Variants in CACHD1 observed in about 807,000 individuals in gnomAD.
CACHD1 encodes the protein cache domain containing 1.
A neutral mutation model predicts 138.7 loss-of-function variants in CACHD1; 71 were observed. The observed-to-expected ratio is 0.51, with a 90% CI of 0.42 to 0.62. CACHD1 has a LOEUF of 0.62. CACHD1 is among the 20% of genes least tolerant of loss of function. The pLI, the probability that CACHD1 is intolerant of heterozygous loss-of-function variation, is 0.00. For missense variants in CACHD1, 1,389 were observed against 1,625.3 expected (o/e 0.85, Z 2.50); for synonymous variants, 578 against 591.5 (o/e 0.98, Z 0.33).
intron 1 of CACHD1, among the ~76,000 whole-genome samples, chr1:64,505,112 T>A (rs185911492): frequency 1.6e-4 from 24 of 152,336 alleles, no homozygotes; most frequent in Admixed American, 1.6e-3. Flanking sequence ...TTATCTCACT[T>A]GGTGTGAAAC....
chr1:64,630,058 C>G (rs1648247290), intron 5 of CACHD1, among the ~76,000 whole-genome samples: 1 of 152,146 alleles, frequency 6.6e-6, no homozygotes, highest in Non-Finnish European at 1.5e-5. Flanking sequence ...CTTTGTATGA[C>G]AAGACTCATT....
chr1:64,619,848 T>C (rs1423984789), intron 4 of CACHD1, among the ~76,000 whole-genome samples: 1 of 152,218 alleles, frequency 6.6e-6, no homozygotes, highest in Admixed American at 6.6e-5. Context: ...ATTTGCCTCC[T>C]CTAGTTATAA....
At chr1:64,583,603 T>G (rs1448343763) in intron 3 of CACHD1, among the ~76,000 whole-genome samples, 1 of 152,326 alleles carries the variant, frequency 6.6e-6, no homozygotes, top group South Asian at 2.1e-4. Context: ...TTTCAATTTT[T>G]GTTAGGTATT....
chr1:64,477,727 C>T (rs760127705), intron 1 of CACHD1, among the ~76,000 whole-genome samples: 1 of 151,240 alleles, frequency 6.6e-6, no homozygotes, highest in Admixed American at 6.6e-5. Flanking sequence ...CTCTGCTTCC[C>T]GGGTTCATGC....
intron 1 of CACHD1, among the ~76,000 whole-genome samples, chr1:64,498,314 A>G (rs1297806849): frequency 6.6e-6 from 1 of 152,248 alleles, no homozygotes; most frequent in African/African-American, 2.4e-5. Flanking sequence ...GTGCTCCAGC[A>G]TATTAGAACT....
intron 1 of CACHD1, among the ~76,000 whole-genome samples, chr1:64,544,582 A>G (rs1220902653): frequency 6.6e-6 from 1 of 150,650 alleles, no homozygotes; most frequent in African/African-American, 2.4e-5. Context: ...AAAGCAGGCT[A>G]CCCATGCACA....
At chr1:64,576,701 C>G (rs1312485286) in intron 2 of CACHD1, among the ~76,000 whole-genome samples, 1 of 152,156 alleles carries the variant, frequency 6.6e-6, no homozygotes, top group African/African-American at 2.4e-5. Flanking sequence ...TGTTCTCTTA[C>G]TATCCTATAA....
At chr1:64,650,290 T>C (rs899559993) in intron 9 of CACHD1, among the ~76,000 whole-genome samples, 4 of 152,202 alleles carry the variant, frequency 2.6e-5, no homozygotes, top group African/African-American at 9.6e-5. Context: ...TCTGTTGTAC[T>C]TTACTGATCT....
chr1:64,485,617 G>C (rs1233899563), intron 1 of CACHD1, among the ~76,000 whole-genome samples: 1 of 152,106 alleles, frequency 6.6e-6, no homozygotes, highest in Non-Finnish European at 1.5e-5. Flanking sequence ...GTCTTGCTCT[G>C]TCACCCAGGC....
chr1:64,525,096 C>T (rs537536522), intron 1 of CACHD1, among the ~76,000 whole-genome samples: 4 of 152,290 alleles, frequency 2.6e-5, no homozygotes, highest in African/African-American at 9.6e-5. Context: ...TATTTTCCCA[C>T]TCATTTCTCT....
At chr1:64,528,308 C>T (rs1275308625) in intron 1 of CACHD1, among the ~76,000 whole-genome samples, 7 of 152,200 alleles carry the variant, frequency 4.6e-5, no homozygotes. Context: ...TGAAAACCCT[C>T]TGACTGTTAA....
In CACHD1 at chr1:64,488,928, T is replaced by C. The variant is rs1646258406; in HGVS notation, c.198+17986T>C. On this transcript the variant is annotated intron_variant, in intron 1 of 26. Transcript: ENST00000651257. ...TCAACCAAATACAGCCCTGCTTTCC[T>C]GGAGTGAACATTCTACTGGGGGATT... Among the ~76,000 whole-genome samples the C allele has an allele frequency of 2.6e-5, 4 of 152,304 alleles. 2 individuals are homozygous for C. The highest frequency in any genetic ancestry group is 9.6e-5 in the African/African-American group (4 of 41,582).
At chr1:64,605,757 C>G (rs111365882) in intron 4 of CACHD1, among the ~76,000 whole-genome samples, 3 of 152,248 alleles carry the variant, frequency 2.0e-5, no homozygotes, top group African/African-American at 7.2e-5. Context: ...AGGGCCTCAT[C>G]CTCATTGCCT....
intron 3 of CACHD1, among the ~76,000 whole-genome samples, chr1:64,601,289 A>G (rs1647211109): frequency 6.6e-6 from 1 of 152,206 alleles, no homozygotes; most frequent in Non-Finnish European, 1.5e-5. Flanking sequence ...TAGCTATAGC[A>G]TAGAGAGAAG....
intron 1 of CACHD1, among the ~76,000 whole-genome samples, chr1:64,491,005 C>T (rs1378756220): frequency 6.6e-6 from 1 of 152,130 alleles, no homozygotes; most frequent in African/African-American, 2.4e-5. Context: ...CTAGAAAAAT[C>T]TTTGCTTAAA....
At chr1:64,626,966 A>G (rs1648119967) in intron 4 of CACHD1, among the ~76,000 whole-genome samples, 2 of 151,422 alleles carry the variant, frequency 1.3e-5, no homozygotes, top group South Asian at 4.2e-4. Flanking sequence ...CCTTACCTCC[A>G]TTCCAAAAAG....
Position 64,482,082 on chromosome 1 carries a change from T to C in CACHD1, c.198+11140T>C, listed in dbSNP as rs998803848. Among the ~76,000 whole-genome samples, 6 of 152,344 alleles carry C rather than the reference T, an allele frequency of 3.9e-5. No homozygotes were observed. In the East Asian group the frequency reaches 5.8e-4, roughly 15 times the overall value. ...ATAATATTTATAAATGGTTTCAGGATATTTTCATGTCTGTATTACTGGTAG... is the reference window on the plus strand; with the variant it reads ...ATAATATTTATAAATGGTTTCAGGACATTTTCATGTCTGTATTACTGGTAG... On this transcript the variant is annotated intron_variant, in intron 1 of 26. Coordinates refer to ENST00000651257, the MANE Select transcript of CACHD1 (RefSeq NM_020925.4).
intron 14 of CACHD1, chr1:64,664,210 G>A (rs1649549107): frequency 2.1e-6 from 1 of 478,836 alleles, no homozygotes; most frequent in Non-Finnish European, 3.7e-6. Context: ...AAGCTTTAGG[G>A]TTAGTGTGTA....
intron 9 of CACHD1, among the ~76,000 whole-genome samples, chr1:64,650,516 G>A (rs1056417077): frequency 6.6e-6 from 1 of 152,172 alleles, no homozygotes; most frequent in Non-Finnish European, 1.5e-5. Flanking sequence ...TTCTAAATGT[G>A]AACTGCTTAA....
Sources: gnomAD v4.1 joint callset for allele counts (sites outside exome capture counted in the v4.1 genomes callset) on GRCh38, gnomAD v4.1.1 for gene constraint, MANE v1.5 for transcripts, NCBI Gene and HGNC (gene_info 2026-07-23, HGNC 2026-07-21) for gene names.